BICC1: variants seen among roughly 807,000 people sequenced by gnomAD.
The protein encoded by BICC1 is protein bicaudal C homolog 1.
In BICC1, 43 loss-of-function variants were observed where a neutral mutation model predicts 111.0. The ratio of observed to expected loss-of-function variants is 0.39; its 90% CI spans 0.30 to 0.50. The LOEUF (loss-of-function observed/expected upper bound fraction) is 0.50. Among genes scored for constraint, BICC1 ranks in the 20% least tolerant of loss-of-function variants. The pLI, the probability that BICC1 is intolerant of heterozygous loss-of-function variation, is 0.88. For synonymous variants in BICC1, 467 were observed against 434.4 expected, an observed-to-expected ratio of 1.07 and a Z score of -0.93; for missense variants, 1,091 against 1,203.2, an observed-to-expected ratio of 0.91 and a Z score of 1.38.
intron 1 of BICC1, among the ~76,000 whole-genome samples, chr10:58,597,592 G>A (rs1338986425): frequency 6.6e-6 from 1 of 152,096 alleles, no homozygotes; most frequent in African/African-American, 2.4e-5. Context: ...CCCAACCCTA[G>A]TAAGCCTGAG....
chr10:58,702,068 T>G lies in BICC1; in HGVS notation c.238-6T>G. The G allele has an allele frequency of 6.2e-7, 1 of 1,607,222 alleles. No homozygotes were observed. Among genetic ancestry groups the G allele is most frequent in the Non-Finnish European group, 8.5e-7 (1 of 1,176,272 alleles). Reference sequence around the variant, plus strand: ...GAGTCAATATTTCTCTCAATTTTTGTTACAGATCATGGAGGAAACAAATAC... The same window carrying G: ...GAGTCAATATTTCTCTCAATTTTTGGTACAGATCATGGAGGAAACAAATAC... On this transcript the variant is annotated splice_region_variant and splice_polypyrimidine_tract_variant and intron_variant, in intron 2 of 20. Transcript: ENST00000373886.
intron 17 of BICC1, 88 bp downstream of exon 17, chr10:58,807,246 C>A: frequency 7.8e-7 from 1 of 1,290,122 alleles, no homozygotes; most frequent in Non-Finnish European, 1.1e-6. Flanking sequence ...TCTTTATGTA[C>A]CTAAGGGAAA....
At chr10:58,658,182 A>G (rs151236472) in intron 2 of BICC1, among the ~76,000 whole-genome samples, 2 of 152,162 alleles carry the variant, frequency 1.3e-5, no homozygotes, top group African/African-American at 4.8e-5. Context: ...CGGAGCTTTC[A>G]TTAACAGCTC....
At chr10:58,636,740 CA>C (rs1310560364) in intron 2 of BICC1, among the ~76,000 whole-genome samples, 4 of 152,136 alleles carry the variant, frequency 2.6e-5, no homozygotes, top group Non-Finnish European at 5.9e-5. Context: ...CCAGTACAGT[CA>C]CCAGCTGTGA....
chr10:58,620,170 G>A (rs548672232), intron 1 of BICC1, among the ~76,000 whole-genome samples: 5 of 151,960 alleles, frequency 3.3e-5, no homozygotes, highest in South Asian at 2.1e-4. Context: ...AATACAAAAT[G>A]TTCATAGTCA....
At chr10:58,784,209 A>G (rs1282831872) in intron 3 of BICC1, among the ~76,000 whole-genome samples, 1 of 152,120 alleles carries the variant, frequency 6.6e-6, no homozygotes, top group Non-Finnish European at 1.5e-5. Context: ...CAGAAGAGCC[A>G]AGTTCTTTGT....
chr10:58,601,160 AT>A (rs1845021130), intron 1 of BICC1, among the ~76,000 whole-genome samples: 7 of 139,166 alleles, frequency 5.0e-5, no homozygotes, highest in Admixed American at 3.7e-4. Flanking sequence ...ATATATATAT[AT>A]ATATATATAT....
At chr10:58,518,011 G>A (rs1236804321) in intron 1 of BICC1, among the ~76,000 whole-genome samples, 4 of 152,070 alleles carry the variant, frequency 2.6e-5, no homozygotes. Context: ...GGCCTCCCTG[G>A]TAGCTTGCCA....
chr10:58,800,498 AAG>A (rs1317097156), intron 13 of BICC1, among the ~76,000 whole-genome samples, 172 bp downstream of exon 13: 1 of 152,222 alleles, frequency 6.6e-6, no homozygotes. Context: ...AGCATGGTGA[AAG>A]ATTAACTGAA....
In BICC1 at chr10:58,803,140, G is replaced by A. The variant is rs1843603337; in HGVS notation, c.2079G>A (p.Lys693=). The part of the protein sequence containing the change: ...LSATESPLAD[K]KAPGSERAAE... The stretch of plus-strand genomic sequence containing the variant: ...CTACCGAAAGCCCTTTGGCTGACAA[G>A]AAGGCTCCAGGGAGTGAGCGCGCTG... The change falls in exon 15 of 21, where the codon AAG becomes AAA. Residue 693 remains lysine (K), a synonymous_variant. Transcript: ENST00000373886. 6.2e-7 allele frequency: 1 copy of A among 1,610,666 alleles called. No individual in the cohort carries two copies. The highest frequency in any genetic ancestry group is 1.3e-5 in the African/African-American group (1 of 75,028).
At chr10:58,819,264 A>G (rs1844185902) in intron 19 of BICC1, among the ~76,000 whole-genome samples, 3 of 152,198 alleles carry the variant, frequency 2.0e-5, no homozygotes, top group Non-Finnish European at 4.4e-5. Flanking sequence ...AAGAATCTCT[A>G]TTATAGAATT....
At chr10:58,624,129 C>T (rs7896298) in intron 2 of BICC1, among the ~76,000 whole-genome samples, 92,076 of 151,910 alleles carry the variant, frequency 0.61, 28,233 homozygotes, top group African/African-American at 0.67. Context: ...TTTGGTGTTC[C>T]TTGGCTTGTG....
chr10:58,576,295 A>G (rs1250803583), intron 1 of BICC1, among the ~76,000 whole-genome samples: 1 of 152,214 alleles, frequency 6.6e-6, no homozygotes, highest in East Asian at 1.9e-4. Flanking sequence ...ACAAGTGAAT[A>G]GTGAGAAAAA....
chr10:58,655,850 T>C (rs1165873610), intron 2 of BICC1, among the ~76,000 whole-genome samples: 3 of 149,518 alleles, frequency 2.0e-5, no homozygotes, highest in Non-Finnish European at 1.5e-5. Context: ...TATTTTGAAA[T>C]ATGTCCCATC....
chr10:58,736,585 C>G (rs1311522185), intron 3 of BICC1, among the ~76,000 whole-genome samples: 5 of 152,170 alleles, frequency 3.3e-5, no homozygotes, highest in Non-Finnish European at 7.3e-5. Flanking sequence ...TTAAGAAACA[C>G]TGTAATGCCG....
rs370890908 is a variant in BICC1 at position 58,656,262 on chromosome 10, T to C, written c.237+35361T>C. Among the ~76,000 whole-genome samples the C allele has an allele frequency of 4.6e-3, 694 of 151,140 alleles. 2 individuals carry two copies. Among genetic ancestry groups the C allele is most frequent in the African/African-American group, 0.016 (642 of 41,196 alleles). ...CAGATGGATTCACAGCCGAATTCTA[T>C]CAGAGGTACAAGGAGGAACTGGTAC... On this transcript the variant is annotated intron_variant, in intron 2 of 20. Transcript: ENST00000373886.
chr10:58,751,804 G>A (rs1458458689), intron 3 of BICC1, among the ~76,000 whole-genome samples: 2 of 152,124 alleles, frequency 1.3e-5, no homozygotes, highest in South Asian at 2.1e-4. Context: ...AGTGCCTGAA[G>A]CATATATCCA....
chr10:58,811,450 A>G (rs1416880935), intron 17 of BICC1, among the ~76,000 whole-genome samples: 1 of 152,252 alleles, frequency 6.6e-6, no homozygotes, highest in Admixed American at 6.5e-5. Context: ...TATACAAATA[A>G]TAAAGATACT....
At position 58,807,930 on chromosome 10, in the gene BICC1, G is replaced by C. The variant is rs146537285; in HGVS notation, c.2376+772G>C. Among the ~76,000 whole-genome samples the C allele has an allele frequency of 1.9e-3, 284 of 152,304 alleles. 3 individuals are homozygous for C. Among genetic ancestry groups the C allele is most frequent in the African/African-American group, 6.3e-3 (263 of 41,564 alleles). On this transcript the variant is annotated intron_variant, in intron 17 of 20. Coordinates refer to ENST00000373886, the MANE Select transcript of BICC1 (RefSeq NM_001080512.3). ...AGGAGTCACAGTGTTCAACCAGAGA[G>C]AGCACTGTAGGCCAAAAAACAAACA...
Sources: gnomAD v4.1 joint callset for allele counts (sites outside exome capture counted in the v4.1 genomes callset) on GRCh38, gnomAD v4.1.1 for gene constraint, MANE v1.5 for transcripts, NCBI Gene and HGNC (gene_info 2026-07-23, HGNC 2026-07-21) for gene names.